XYLT1: variants seen among roughly 807,000 people sequenced by gnomAD.
XYLT1 encodes the protein xylosyltransferase 1.
XYLT1 carries 36 observed loss-of-function variants against 91.3 expected under a neutral mutation model. That is an observed-to-expected ratio of 0.39 (90% CI 0.30 to 0.52). The LOEUF (loss-of-function observed/expected upper bound fraction) is 0.52, where lower values mean the gene tolerates loss of function less well. XYLT1 is among the 20% of genes least tolerant of loss of function. The probability of loss-of-function intolerance (pLI) is 0.68; values close to 1 mark genes in which losing one functional copy is unlikely to be tolerated. For synonymous variants in XYLT1, 588 were observed against 532.0 expected (o/e 1.11, Z -1.45); for missense variants, 1,242 against 1,284.5 (o/e 0.97, Z 0.51).
At chr16:17,386,362 C>A (rs1318260937) in intron 1 of XYLT1, among the ~76,000 whole-genome samples, 3 of 152,088 alleles carry the variant, frequency 2.0e-5, no homozygotes, top group Non-Finnish European at 4.4e-5. Flanking sequence ...ACAATAAGCT[C>A]AAAAGGAAAG....
At chr16:17,288,942 C>T (rs888465846) in intron 2 of XYLT1, among the ~76,000 whole-genome samples, 5 of 152,112 alleles carry the variant, frequency 3.3e-5, no homozygotes, top group Non-Finnish European at 5.9e-5. Context: ...CCCAAGAATA[C>T]AATAAATAGA....
rs1033185715 is a variant in XYLT1 at position 17,260,023 on chromosome 16, C to T, written c.403-525G>A. 2.4e-4 allele frequency among the ~76,000 whole-genome samples: 36 copies of T among 148,870 alleles called. 1 individual carries two copies. The highest frequency in any genetic ancestry group is 4.7e-4 in the Admixed American group (7 of 14,826). ...CGTTGTAAATTCTGTGGGAAAGAAACCAGCCGCAATTTTTTTTTTTTTTTT... is the reference window on the plus strand; with the variant it reads ...CGTTGTAAATTCTGTGGGAAAGAAATCAGCCGCAATTTTTTTTTTTTTTTT... On this transcript the variant is annotated intron_variant, in intron 2 of 11. Transcript: ENST00000261381.
intron 3 of XYLT1, among the ~76,000 whole-genome samples, chr16:17,222,162 T>C (rs2032980710): frequency 6.6e-6 from 1 of 152,124 alleles, no homozygotes; most frequent in African/African-American, 2.4e-5. Flanking sequence ...GAGTTAGTAA[T>C]GGAGAGAAGA....
At chr16:17,141,877 C>T (rs547481204) in intron 6 of XYLT1, among the ~76,000 whole-genome samples, 1 of 152,306 alleles carries the variant, frequency 6.6e-6, no homozygotes, top group Non-Finnish European at 1.5e-5. Context: ...TCTTGACTCA[C>T]ACATTATATA....
In XYLT1 at chr16:17,102,204, T is replaced by G. The variant is rs1966713313; in HGVS notation, c.*6491A>C. On this transcript the variant is annotated 3_prime_UTR_variant, in exon 12 of 12. Coordinates refer to ENST00000261381, the MANE Select transcript of XYLT1 (RefSeq NM_022166.4). ...GTGCTTCCTTTAACTCTCAAAAGTA[T>G]CCCAGTTTGGATGATAAATTATATA... 1 of 152,356 alleles carries G rather than the reference T, an allele frequency of 6.6e-6. No individual in the cohort carries two copies. Among genetic ancestry groups the G allele is most frequent in the African/African-American group, 2.4e-5 (1 of 41,424 alleles). The allele number at this position is 152,356 out of a possible 1,614,324, so 9.4% of individuals were successfully genotyped here. A position where few individuals can be genotyped will look rare whatever the true frequency, so the allele number is the denominator to read the frequency against.
chr16:17,345,049 A>G (rs8050915), intron 2 of XYLT1, among the ~76,000 whole-genome samples: 86,766 of 151,994 alleles, frequency 0.57, 25,923 homozygotes, highest in African/African-American at 0.72. Flanking sequence ...AACATACCCC[A>G]GGCCAGAAAA....
chr16:17,275,526 G>A (rs1200083164), intron 2 of XYLT1, among the ~76,000 whole-genome samples: 1 of 152,144 alleles, frequency 6.6e-6, no homozygotes, highest in Non-Finnish European at 1.5e-5. Context: ...TGGGTTCCTG[G>A]TGTAAAGTCC....
intron 2 of XYLT1, 38 bp downstream of exon 2, chr16:17,357,974 A>C (rs769633298): frequency 1.9e-6 from 3 of 1,608,722 alleles, no homozygotes; most frequent in Non-Finnish European, 2.5e-6. Context: ...TGGAATACTA[A>C]GGCTGAGATA....
chr16:17,245,278 C>T (rs918475700), intron 3 of XYLT1, among the ~76,000 whole-genome samples: 14 of 152,162 alleles, frequency 9.2e-5, no homozygotes, highest in African/African-American at 3.4e-4. Context: ...CTTTCCCTGC[C>T]TTCTCACCAT....
At chr16:17,281,678 C>T (rs768510647) in intron 2 of XYLT1, among the ~76,000 whole-genome samples, 5 of 152,176 alleles carry the variant, frequency 3.3e-5, no homozygotes, top group Non-Finnish European at 1.5e-5. Flanking sequence ...ACATCAGCAC[C>T]GTGCTGAGAC....
intron 8 of XYLT1, among the ~76,000 whole-genome samples, chr16:17,136,255 A>T (rs1240690164): frequency 6.6e-6 from 1 of 152,210 alleles, no homozygotes; most frequent in East Asian, 1.9e-4. Context: ...CCATTGTAAG[A>T]TTTGAAGCCC....
intron 5 of XYLT1, among the ~76,000 whole-genome samples, chr16:17,182,844 A>G (rs1244731567): frequency 6.6e-6 from 1 of 152,186 alleles, no homozygotes; most frequent in African/African-American, 2.4e-5. Context: ...GAACAGGATT[A>G]CAAAGGAATT....
intron 11 of XYLT1, among the ~76,000 whole-genome samples, chr16:17,115,598 C>G (rs558544002): frequency 5.3e-4 from 81 of 151,668 alleles, no homozygotes; most frequent in Admixed American, 1.2e-3. Context: ...CGTGCCTCAG[C>G]CTCCCAAGTA....
intron 2 of XYLT1, among the ~76,000 whole-genome samples, chr16:17,261,957 AG>A (rs1196878076): frequency 2.0e-5 from 3 of 152,136 alleles, no homozygotes; most frequent in Non-Finnish European, 4.4e-5. Context: ...GTTGGTACCT[AG>A]AGTACATCTT....
At chr16:17,464,256 A>G (rs1460635581) in intron 1 of XYLT1, among the ~76,000 whole-genome samples, 1 of 152,218 alleles carries the variant, frequency 6.6e-6, no homozygotes, top group African/African-American at 2.4e-5. Flanking sequence ...TGGGAGGCCA[A>G]GGCAGGCAGA....
chr16:17,455,994 TG>T (rs1307189452), intron 1 of XYLT1, among the ~76,000 whole-genome samples: 3 of 152,240 alleles, frequency 2.0e-5, no homozygotes, highest in African/African-American at 2.4e-5. Context: ...TAATTATCGC[TG>T]TAATTATTAT....
chr16:17,137,704 T>A (rs927067274), intron 8 of XYLT1: 1 of 149,226 alleles, frequency 6.7e-6, no homozygotes, highest in African/African-American at 2.6e-5. Context: ...GTAAAGGGGA[T>A]AATGTTCTAC....
chr16:17,112,910 G>A (rs1442021010), intron 11 of XYLT1, among the ~76,000 whole-genome samples: 1 of 152,180 alleles, frequency 6.6e-6, no homozygotes, highest in Non-Finnish European at 1.5e-5. Context: ...CATGATCTCA[G>A]CTCACTGCAA....
chr16:17,357,988 G>A (rs2035325399), intron 2 of XYLT1, 24 bp downstream of exon 2: 1 of 1,612,488 alleles, frequency 6.2e-7, no homozygotes, highest in Non-Finnish European at 8.5e-7. Context: ...TGAGATAAGT[G>A]GCCAAGACAG....
Sources: allele counts gnomAD v4.1 joint callset (sites outside exome capture counted in the v4.1 genomes callset), GRCh38; gene constraint gnomAD v4.1.1; transcripts MANE v1.5; gene names NCBI Gene and HGNC (gene_info 2026-07-23, HGNC 2026-07-21).